FSTL5: variants seen among roughly 807,000 people sequenced by gnomAD.
The protein encoded by FSTL5 is follistatin-related protein 5.
FSTL5 carries 62 observed loss-of-function variants against 89.1 expected under a neutral mutation model. The ratio of observed to expected loss-of-function variants is 0.70; its 90% confidence interval spans 0.57 to 0.86. FSTL5 has a LOEUF of 0.86. Ranked by LOEUF, FSTL5 falls within the 40% of genes least tolerant of loss-of-function variation. The probability of loss-of-function intolerance (pLI) is 0.00; values close to 1 mark genes in which losing one functional copy is unlikely to be tolerated. For missense variants in FSTL5, 1,057 were observed against 1,001.6 expected (o/e 1.06, Z -0.75); for synonymous variants, 383 against 346.2 (o/e 1.11, Z -1.18).
intron 2 of FSTL5, among the ~76,000 whole-genome samples, chr4:162,056,826 A>G (rs758411695): frequency 1.3e-5 from 2 of 152,184 alleles, no homozygotes; most frequent in Non-Finnish European, 2.9e-5. Flanking sequence ...GCTTTATTAA[A>G]TTATTTATAC....
chr4:161,524,545 TC>T (rs1731145116), intron 10 of FSTL5, among the ~76,000 whole-genome samples: 1 of 152,196 alleles, frequency 6.6e-6, no homozygotes, highest in Non-Finnish European at 1.5e-5. Flanking sequence ...GGCTTTTTTT[TC>T]ATGCATACAC....
chr4:162,080,638 T>G (rs997937537), intron 2 of FSTL5, among the ~76,000 whole-genome samples: 35 of 151,668 alleles, frequency 2.3e-4, no homozygotes, highest in Non-Finnish European at 4.9e-4. Context: ...ACTATTTCCT[T>G]GTATGACGTA....
At chr4:161,538,923 C>T (rs1026147979) in intron 9 of FSTL5, among the ~76,000 whole-genome samples, 1 of 151,890 alleles carries the variant, frequency 6.6e-6, no homozygotes, top group Non-Finnish European at 1.5e-5. Context: ...TGCGCCACCC[C>T]GGGCTAATTT....
chr4:162,114,486 C>A (rs1731557749), intron 1 of FSTL5, among the ~76,000 whole-genome samples: 1 of 151,592 alleles, frequency 6.6e-6, no homozygotes. Context: ...CCCTCCCTCT[C>A]CTTTTCTCTC....
chr4:161,506,107 C>A (rs977457461), intron 11 of FSTL5, among the ~76,000 whole-genome samples: 1 of 151,982 alleles, frequency 6.6e-6, no homozygotes, highest in Non-Finnish European at 1.5e-5. Context: ...TCAGTTTGGA[C>A]AGTGGTGTGG....
intron 6 of FSTL5, among the ~76,000 whole-genome samples, chr4:161,730,923 C>T (rs756769034): frequency 2.0e-5 from 3 of 152,134 alleles, no homozygotes; most frequent in Non-Finnish European, 4.4e-5. Flanking sequence ...TGGGATATAT[C>T]TATCCCCACA....
At chr4:161,425,879 T>G (rs187377114) in intron 15 of FSTL5, among the ~76,000 whole-genome samples, 51 of 152,038 alleles carry the variant, frequency 3.4e-4, no homozygotes, top group African/African-American at 1.2e-3. Flanking sequence ...CTCTCAGGAG[T>G]GAGGCAACCG....
At chr4:161,705,346 G>A (rs1424771949) in intron 6 of FSTL5, among the ~76,000 whole-genome samples, 1 of 151,918 alleles carries the variant, frequency 6.6e-6, no homozygotes, top group African/African-American at 2.4e-5. Context: ...AGGAGATTTG[G>A]GAAATATTTT....
chr4:162,076,241 T>G (rs1449515212), intron 2 of FSTL5, among the ~76,000 whole-genome samples: 1 of 151,748 alleles, frequency 6.6e-6, no homozygotes, highest in Non-Finnish European at 1.5e-5. Context: ...AATTTCAGAG[T>G]CTGTTGTTGG....
chr4:161,676,239 G>T (rs539351532), intron 6 of FSTL5, among the ~76,000 whole-genome samples: 2 of 151,876 alleles, frequency 1.3e-5, no homozygotes, highest in Non-Finnish European at 2.9e-5. Context: ...TACCTTATTT[G>T]CTTAAAACAA....
rs539577294 is a variant in FSTL5 at position 161,638,469 on chromosome 4, C to A, written c.894+17859G>T. Among the ~76,000 whole-genome samples the A allele has an allele frequency of 2.0e-5, 3 of 152,184 alleles. No individual in the cohort carries two copies. The South Asian group carries it at 6.2e-4, about 32-fold the overall frequency. ...AATACCCTTTATTTCCTTCTCCTGC[C>A]TAATTGCCCTGGCCAGAACTTCCAA... On this transcript the variant is annotated intron_variant, in intron 7 of 15. Coordinates refer to ENST00000306100, the MANE Select transcript of FSTL5 (RefSeq NM_020116.5).
At chr4:161,627,787 A>G (rs1735365193) in intron 7 of FSTL5, among the ~76,000 whole-genome samples, 1 of 152,156 alleles carries the variant, frequency 6.6e-6, no homozygotes, top group Non-Finnish European at 1.5e-5. Flanking sequence ...AGTTGACTAA[A>G]ATAAAAGCAT....
chr4:161,848,523 G>A (rs544947829), intron 4 of FSTL5, among the ~76,000 whole-genome samples: 8 of 152,186 alleles, frequency 5.3e-5, no homozygotes, highest in African/African-American at 1.2e-4. Context: ...ATGATAGCAC[G>A]TAAAGTTTCA....
At chr4:162,140,084 G>C (rs1732666861) in intron 1 of FSTL5, among the ~76,000 whole-genome samples, 1 of 151,970 alleles carries the variant, frequency 6.6e-6, no homozygotes, top group African/African-American at 2.4e-5. Context: ...GGAATATATT[G>C]TTACACTCTA....
At chr4:161,927,912 C>T in intron 3 of FSTL5, among the ~76,000 whole-genome samples, 1 of 151,436 alleles carries the variant, frequency 6.6e-6, no homozygotes, top group East Asian at 1.9e-4. Flanking sequence ...ACAGAGTTCC[C>T]ATATATTCCC....
At chr4:161,699,979 CTTAAA>C (rs1232049637) in intron 6 of FSTL5, among the ~76,000 whole-genome samples, 7 of 152,100 alleles carry the variant, frequency 4.6e-5, no homozygotes, top group Non-Finnish European at 8.8e-5. Flanking sequence ...TGTTCCAGTT[CTTAAA>C]TTATTTTTCT....
At chr4:161,522,444 G>A (rs1731069633) in intron 10 of FSTL5, among the ~76,000 whole-genome samples, 1 of 151,978 alleles carries the variant, frequency 6.6e-6, no homozygotes, top group African/African-American at 2.4e-5. Context: ...ATAGGATATA[G>A]AAAGGCTTTT....
At chr4:161,705,997 C>CTAT (rs1738566580) in intron 6 of FSTL5, among the ~76,000 whole-genome samples, 1 of 10,728 alleles carries the variant, frequency 9.3e-5, no homozygotes, top group Non-Finnish European at 2.3e-4. Context: ...TATATATATA[C>CTAT]ACACATCTAC....
chr4:161,483,079 G>C (rs1032451346), intron 12 of FSTL5, among the ~76,000 whole-genome samples: 1 of 152,146 alleles, frequency 6.6e-6, no homozygotes, highest in Non-Finnish European at 1.5e-5. Flanking sequence ...CTCTTAAGGA[G>C]GCAGCCCAAA....
Sources: allele counts gnomAD v4.1 joint callset (sites outside exome capture counted in the v4.1 genomes callset), GRCh38; gene constraint gnomAD v4.1.1; transcripts MANE v1.5; gene names NCBI Gene and HGNC (gene_info 2026-07-23, HGNC 2026-07-21).